The following AKAP6 variants were observed in gnomAD, a reference collection of about 807,000 sequenced individuals.
AKAP6 encodes A-kinase anchoring protein 6.
Under a neutral mutation model 188.5 loss-of-function variants are expected in AKAP6, and 58 were observed. The ratio of observed to expected loss-of-function variants is 0.31; its 90% CI spans 0.25 to 0.38. The LOEUF (loss-of-function observed/expected upper bound fraction) is 0.38. Ranked by LOEUF, AKAP6 falls within the 10% of genes least tolerant of loss-of-function variation. The pLI, the probability that AKAP6 is intolerant of heterozygous loss-of-function variation, is 1.00. For missense variants in AKAP6, 2,710 were observed against 2,740.0 expected (o/e 0.99, Z 0.24); for synonymous variants, 989 against 998.6 (o/e 0.99, Z 0.18).
At chr14:32,470,022 T>C (rs9285570) in intron 2 of AKAP6, among the ~76,000 whole-genome samples, 110,758 of 151,962 alleles carry the variant, frequency 0.73, 41,211 homozygotes, top group African/African-American at 0.87. Flanking sequence ...ACATCAAGTC[T>C]TCTGAATATA....
intron 2 of AKAP6, among the ~76,000 whole-genome samples, chr14:32,471,073 T>A (rs993574325): frequency 2.0e-5 from 3 of 152,254 alleles, no homozygotes; most frequent in African/African-American, 4.8e-5. Flanking sequence ...TTTATAACTA[T>A]GATAAACTAG....
At chr14:32,369,273 C>G (rs1046186423) in intron 1 of AKAP6, among the ~76,000 whole-genome samples, 2 of 152,108 alleles carry the variant, frequency 1.3e-5, no homozygotes, top group Non-Finnish European at 2.9e-5. Context: ...AGGCAAGGGA[C>G]AATTAATACA....
chr14:32,717,975 A>G (rs186571734), intron 9 of AKAP6, among the ~76,000 whole-genome samples: 7 of 151,976 alleles, frequency 4.6e-5, no homozygotes, highest in African/African-American at 1.7e-4. Context: ...TGTGTTGGCC[A>G]CTCCATTGTC....
intron 12 of AKAP6, among the ~76,000 whole-genome samples, chr14:32,776,013 T>G (rs1390379044): frequency 6.6e-6 from 1 of 152,194 alleles, no homozygotes; most frequent in Non-Finnish European, 1.5e-5. Flanking sequence ...TGGGAGATAT[T>G]TCTCTGCTTC....
At position 32,835,341 on chromosome 14, in the gene AKAP6, C is replaced by T. The variant is rs1344531230; in HGVS notation, c.*5536C>T. ...TCATATTACCTTAAAAAATAAAGTG[C>T]ACTTAAAGATTGTTTCACATCCACA... On this transcript the variant is annotated 3_prime_UTR_variant, in exon 14 of 14. Coordinates refer to ENST00000280979, the MANE Select transcript of AKAP6 (RefSeq NM_004274.5). 1 of 151,956 alleles carries T rather than the reference C, an allele frequency of 6.6e-6. No individual in the cohort carries two copies. 9.4% of individuals were successfully genotyped at this position (151,956 alleles called of 1,614,324 possible).
chr14:32,468,813 T>C (rs144163379), intron 2 of AKAP6, among the ~76,000 whole-genome samples: 2 of 152,258 alleles, frequency 1.3e-5, no homozygotes, highest in East Asian at 3.9e-4. Context: ...TGCGTTCTAA[T>C]TGGACTTGCC....
chr14:32,724,903 G>T (rs1294019332), intron 9 of AKAP6, among the ~76,000 whole-genome samples: 1 of 142,706 alleles, frequency 7.0e-6, no homozygotes, highest in Non-Finnish European at 1.5e-5. Context: ...TAGATCCGTG[G>T]GGCTTGTTCA....
intron 8 of AKAP6, among the ~76,000 whole-genome samples, chr14:32,688,562 C>T (rs1012103802): frequency 1.3e-5 from 2 of 152,124 alleles, no homozygotes; most frequent in Admixed American, 1.3e-4. Context: ...TCAGAGAATT[C>T]ATAGTGTCCT....
Position 32,535,756 on chromosome 14 carries a change from A to C in AKAP6, c.527A>C (p.Tyr176Ser). The C allele has an allele frequency of 6.2e-7, 1 of 1,614,158 alleles. No homozygotes were observed. Among genetic ancestry groups the C allele is most frequent in the Admixed American group, 1.7e-5 (1 of 60,038 alleles). ...LQGLQDANGN[Y>S]TRQTDILQAF... is the part of the protein sequence containing the mutation. ...GGTCTGCAGGACGCCAATGGCAACT[A>C]CACTAGGCAGACGGACATTCTGCAA... Residue 176 changes from tyrosine to serine, a missense_variant, in exon 3 of 14, where the codon TAC becomes TCC. By Grantham distance (144) the Tyr-to-Ser change is moderately radical (BLOSUM62 -2). Coordinates refer to ENST00000280979, the MANE Select transcript of AKAP6 (RefSeq NM_004274.5).
At chr14:32,418,461 G>C (rs547626764) in intron 1 of AKAP6, among the ~76,000 whole-genome samples, 16 of 152,250 alleles carry the variant, frequency 1.1e-4, no homozygotes, top group African/African-American at 3.6e-4. Flanking sequence ...AAAGCAAATG[G>C]CTGATGGGTC....
intron 7 of AKAP6, among the ~76,000 whole-genome samples, chr14:32,632,032 T>A (rs1411890624): frequency 6.6e-6 from 1 of 152,050 alleles, no homozygotes; most frequent in Non-Finnish European, 1.5e-5. Flanking sequence ...TTCATTCTTT[T>A]CCCTCAAGGC....
intron 2 of AKAP6, among the ~76,000 whole-genome samples, chr14:32,450,456 T>C (rs1890901859): frequency 6.6e-6 from 1 of 152,188 alleles, no homozygotes; most frequent in African/African-American, 2.4e-5. Context: ...AAATATAGCC[T>C]CACTTAACAA....
intron 1 of AKAP6, among the ~76,000 whole-genome samples, chr14:32,425,864 T>C (rs548568643): frequency 6.6e-6 from 1 of 152,356 alleles, no homozygotes; most frequent in African/African-American, 2.4e-5. Flanking sequence ...GGATCCCATT[T>C]GTCAATTTTT....
intron 1 of AKAP6, among the ~76,000 whole-genome samples, chr14:32,407,937 T>C (rs1255132923): frequency 1.3e-5 from 2 of 152,040 alleles, no homozygotes; most frequent in Non-Finnish European, 2.9e-5. Context: ...CAGCAAAGAG[T>C]TTCCTTGCTG....
chr14:32,470,779 T>C (rs1168564732), intron 2 of AKAP6, among the ~76,000 whole-genome samples: 1 of 152,204 alleles, frequency 6.6e-6, no homozygotes, highest in Non-Finnish European at 1.5e-5. Flanking sequence ...TAAAGCTTGA[T>C]TTTTCTTAAG....
At chr14:32,626,929 G>T (rs1887050623) in intron 7 of AKAP6, among the ~76,000 whole-genome samples, 1 of 152,106 alleles carries the variant, frequency 6.6e-6, no homozygotes, top group Admixed American at 6.6e-5. Context: ...TTGGCAAATG[G>T]ATGAACAATA....
intron 2 of AKAP6, among the ~76,000 whole-genome samples, chr14:32,511,698 A>G (rs1378430360): frequency 6.6e-6 from 1 of 152,034 alleles, no homozygotes; most frequent in African/African-American, 2.4e-5. Context: ...TTAGTTCCCC[A>G]TACCAGTTCT....
chr14:32,673,881 T>G (rs1889322771), intron 7 of AKAP6, among the ~76,000 whole-genome samples: 1 of 151,944 alleles, frequency 6.6e-6, no homozygotes, highest in South Asian at 2.1e-4. Flanking sequence ...CTTTATGGAG[T>G]TTGGGGTCTA....
Position 32,333,921 on chromosome 14 carries a change from G to A in AKAP6, c.-35+4513G>A, listed in dbSNP as rs527473192. On this transcript the variant is annotated intron_variant, in intron 1 of 13. Transcript: ENST00000280979. ...CTAAATTGAGCATTCCAGCCAGCCTGCTGATGGAGGTATGTATCATACAAG... is the reference window on the plus strand; with the variant it reads ...CTAAATTGAGCATTCCAGCCAGCCTACTGATGGAGGTATGTATCATACAAG... Among the ~76,000 whole-genome samples, 4 of 152,270 alleles carry A rather than the reference G, an allele frequency of 2.6e-5. No homozygotes were observed. In the South Asian group the frequency reaches 8.3e-4, roughly 32 times the overall value.
Sources: allele counts gnomAD v4.1 joint callset (sites outside exome capture counted in the v4.1 genomes callset), GRCh38; gene constraint gnomAD v4.1.1; transcripts MANE v1.5; gene names NCBI Gene and HGNC (gene_info 2026-07-23, HGNC 2026-07-21).